Variants in VPS35L observed in about 807,000 individuals in gnomAD.
VPS35L encodes the protein VPS35 endosomal protein-sorting factor-like.
Under a neutral mutation model 133.0 loss-of-function variants are expected in VPS35L, and 83 were observed. The ratio of observed to expected loss-of-function variants is 0.62; its 90% CI spans 0.52 to 0.75. The LOEUF (loss-of-function observed/expected upper bound fraction) is 0.75. Among genes scored for constraint, VPS35L ranks in the 30% least tolerant of loss-of-function variants. VPS35L has a pLI of 0.00. For synonymous variants in VPS35L, 423 were observed against 449.9 expected, an observed-to-expected ratio of 0.94 and a Z score of 0.76; for missense variants, 1,083 against 1,206.8, an observed-to-expected ratio of 0.90 and a Z score of 1.52.
chr16:19,621,354 G>A (rs1973074895), intron 14 of VPS35L, among the ~76,000 whole-genome samples: 1 of 152,200 alleles, frequency 6.6e-6, no homozygotes, highest in African/African-American at 2.4e-5. Flanking sequence ...CATCTTTCTT[G>A]ATGCATGTCG....
chr16:19,573,894 G>A (rs1396537391), intron 4 of VPS35L, among the ~76,000 whole-genome samples: 1 of 152,154 alleles, frequency 6.6e-6, no homozygotes. Flanking sequence ...GTGTCACTCA[G>A]TAAGTCCCAT....
intron 27 of VPS35L, among the ~76,000 whole-genome samples, chr16:19,677,534 A>G (rs1291668403): frequency 6.6e-6 from 1 of 152,128 alleles, no homozygotes; most frequent in East Asian, 1.9e-4. Flanking sequence ...AGATGGGGAG[A>G]GGAGAGGGCA....
chr16:19,630,069 T>TA (rs895406649), intron 18 of VPS35L, among the ~76,000 whole-genome samples: 1 of 152,180 alleles, frequency 6.6e-6, no homozygotes, highest in Admixed American at 6.5e-5. Context: ...ATTTTTTTTT[T>TA]ACCATAGGAT....
At chr16:19,667,476 G>A (rs1026430039) in intron 26 of VPS35L, among the ~76,000 whole-genome samples, 5 of 152,178 alleles carry the variant, frequency 3.3e-5, no homozygotes. Context: ...GCTCACGCCT[G>A]TAATCCCAGA....
chr16:19,644,041 C>T (rs1001440033), intron 22 of VPS35L, among the ~76,000 whole-genome samples: 5 of 152,036 alleles, frequency 3.3e-5, no homozygotes, highest in Non-Finnish European at 7.4e-5. Context: ...ACATTTTCTC[C>T]GAGAACAAAC....
intron 29 of VPS35L, chr16:19,694,166 C>G (rs1354339837): frequency 1.3e-5 from 2 of 152,032 alleles, no homozygotes; most frequent in South Asian, 4.1e-4. Flanking sequence ...CATTGTAATT[C>G]TAGGCATGTA....
intron 12 of VPS35L, among the ~76,000 whole-genome samples, chr16:19,613,432 A>G (rs991706402): frequency 6.6e-6 from 1 of 152,252 alleles, no homozygotes; most frequent in Non-Finnish European, 1.5e-5. Context: ...GGCCAGGGTT[A>G]GTGCAGGCAT....
chr16:19,608,044 A>G (rs554728164), intron 9 of VPS35L, 134 bp from the exon 10 acceptor site: 11 of 666,180 alleles, frequency 1.7e-5, no homozygotes, highest in South Asian at 1.6e-4. Context: ...TTACTTCCTA[A>G]TAGTGATATT....
intron 16 of VPS35L, among the ~76,000 whole-genome samples, chr16:19,628,377 A>G (rs906862714): frequency 6.6e-6 from 1 of 152,188 alleles, no homozygotes; most frequent in Non-Finnish European, 1.5e-5. Context: ...AAAAGGATAT[A>G]TCTTCATTCA....
Position 19,640,050 on chromosome 16 carries a change from A to G in VPS35L, c.1734A>G (p.Lys578=), listed in dbSNP as rs778821205. The G allele has an allele frequency of 6.2e-7, 1 of 1,614,094 alleles. No individual in the cohort carries two copies. The highest frequency in any genetic ancestry group is 1.6e-4 in the Middle Eastern group (1 of 6,084). ...KFLPFLDMFQ[K]ESVRVEVCKC... The stretch of plus-strand genomic sequence containing the variant: ...TGCCGTTTCTGGACATGTTCCAAAA[A>G]GAGAGTGTGCGGGTGGAGGTTTGCA... Residue 578 remains lysine, a synonymous_variant, in exon 21 of 31, where the codon AAA becomes AAG. Transcript: ENST00000417362.
At chr16:19,601,087 C>T (rs1211025550) in intron 8 of VPS35L, among the ~76,000 whole-genome samples, 1 of 152,120 alleles carries the variant, frequency 6.6e-6, no homozygotes, top group Non-Finnish European at 1.5e-5. Flanking sequence ...CACTGCCATG[C>T]CTGGCTAATT....
chr16:19,563,656 C>T (rs1971094902), intron 1 of VPS35L, among the ~76,000 whole-genome samples: 1 of 152,224 alleles, frequency 6.6e-6, no homozygotes, highest in African/African-American at 2.4e-5. Context: ...TTCCAGCTCA[C>T]AAATCCTTTC....
Position 19,696,896 on chromosome 16 carries a change from GA to G in VPS35L, c.2647-2603del, listed in dbSNP as rs535148811. Among the ~76,000 whole-genome samples, 440 of 152,314 alleles carry G rather than the reference GA, an allele frequency of 2.9e-3. 2 individuals carry two copies. The highest frequency in any genetic ancestry group is 0.01 in the African/African-American group (419 of 41,568). ...TCCAAGGAGACTTTTAGTTAGCTCT[GA>G]AAGAGTTTTATTTTAGCTTGGTCTT... On this transcript the variant is annotated intron_variant, in intron 29 of 30. Transcript: ENST00000417362.
At chr16:19,680,547 C>T (rs62024110) in intron 27 of VPS35L, among the ~76,000 whole-genome samples, 15,322 of 152,124 alleles carry the variant, frequency 0.1, 1,098 homozygotes, top group East Asian at 0.21. Flanking sequence ...AGGAAAACCA[C>T]GAGATATTGT....
Position 19,644,870 on chromosome 16 carries a change from C to T in VPS35L, c.1866-16C>T, listed in dbSNP as rs1052347228. 1 of 1,558,672 alleles carries T rather than the reference C, an allele frequency of 6.4e-7. No homozygotes were observed. The highest frequency in any genetic ancestry group is 8.8e-7 in the Non-Finnish European group (1 of 1,136,172). On this transcript the variant is annotated splice_polypyrimidine_tract_variant and intron_variant, in intron 22 of 30. Transcript: ENST00000417362. ...CTATTACCTCCGTGTTAATTATGTA[C>T]AATTATTGATTTTAGTGCACTCACT...
intron 3 of VPS35L, among the ~76,000 whole-genome samples, chr16:19,570,868 TATATATATATATA>T (rs1567388601): frequency 1.8e-4 from 15 of 85,410 alleles, no homozygotes; most frequent in African/African-American, 8.3e-4. Context: ...TATATATATA[TATATATATATATA>T]TATATATATT....
At chr16:19,570,873 A>ATTT (rs1438392929) in intron 3 of VPS35L, among the ~76,000 whole-genome samples, 25 of 56,828 alleles carry the variant, frequency 4.4e-4, no homozygotes, top group African/African-American at 3.2e-3. Flanking sequence ...ATATATATAT[A>ATTT]TATATATATA....
intron 26 of VPS35L, among the ~76,000 whole-genome samples, chr16:19,655,244 T>C (rs898896472): frequency 1.3e-5 from 2 of 152,216 alleles, no homozygotes; most frequent in African/African-American, 4.8e-5. Context: ...GTTTAATAAT[T>C]TATCTGATGA....
At chr16:19,629,960 A>C in intron 18 of VPS35L, 140 bp downstream of exon 18, 1 of 724,302 alleles carries the variant, frequency 1.4e-6, no homozygotes, top group Non-Finnish European at 2.3e-6. Flanking sequence ...TCTTCATAAT[A>C]AAGCGTGATG....
Sources: allele counts gnomAD v4.1 joint callset (sites outside exome capture counted in the v4.1 genomes callset), GRCh38; gene constraint gnomAD v4.1.1; transcripts MANE v1.5; gene names NCBI Gene and HGNC (gene_info 2026-07-23, HGNC 2026-07-21).